The following GPHN variants were observed in gnomAD, a reference collection of about 807,000 sequenced individuals.
The protein encoded by GPHN is gephyrin.
Under a neutral mutation model 95.5 loss-of-function variants are expected in GPHN, and 17 were observed. The observed-to-expected ratio is 0.18, with a 90% CI of 0.12 to 0.27. The LOEUF (loss-of-function observed/expected upper bound fraction) is 0.27, where lower values mean the gene tolerates loss of function less well. Ranked by LOEUF, GPHN falls within the 10% of genes least tolerant of loss-of-function variation. The pLI is 1.00. For synonymous variants in GPHN, 320 were observed against 322.5 expected, an observed-to-expected ratio of 0.99 and a Z score of 0.08; for missense variants, 660 against 978.1, an observed-to-expected ratio of 0.67 and a Z score of 4.34.
At chr14:66,830,583 A>ATC (rs2061546542) in intron 4 of GPHN, among the ~76,000 whole-genome samples, 1 of 152,118 alleles carries the variant, frequency 6.6e-6, no homozygotes, top group South Asian at 2.1e-4. Context: ...AATACCAGGA[A>ATC]ACTGTAAATT....
the GPHN span, among the ~76,000 whole-genome samples, chr14:67,480,661 C>T: frequency 6.6e-6 from 1 of 152,174 alleles, no homozygotes; most frequent in East Asian, 1.9e-4. Flanking sequence ...ATGACCTGCA[C>T]GTATCCCCCT....
At chr14:67,534,235 T>C in the GPHN span, among the ~76,000 whole-genome samples, 1 of 152,156 alleles carries the variant, frequency 6.6e-6, no homozygotes, top group Non-Finnish European at 1.5e-5. Flanking sequence ...TTAGTGTTTC[T>C]GCATATTATT....
At chr14:67,208,116 G>A in the GPHN span, 4 of 1,543,948 alleles carry the variant, frequency 2.6e-6, no homozygotes, top group African/African-American at 1.4e-5. Context: ...GAATGAAATG[G>A]TGCCTGTATT....
chr14:66,763,607 A>C (rs940737250), intron 2 of GPHN, among the ~76,000 whole-genome samples: 1 of 151,770 alleles, frequency 6.6e-6, no homozygotes, highest in Non-Finnish European at 1.5e-5. Context: ...TCCATGGTGT[A>C]TATGTGCCAC....
chr14:66,831,421 A>G (rs2061573809), intron 4 of GPHN, among the ~76,000 whole-genome samples: 1 of 152,224 alleles, frequency 6.6e-6, no homozygotes, highest in African/African-American at 2.4e-5. Context: ...TGAAGTATTT[A>G]AAACTAAATT....
At chr14:66,889,081 CTG>C (rs2153539236) in intron 5 of GPHN, among the ~76,000 whole-genome samples, 1 of 152,132 alleles carries the variant, frequency 6.6e-6, no homozygotes, top group Admixed American at 6.5e-5. Flanking sequence ...TAATAATAGA[CTG>C]TCAAAATAGA....
At chr14:66,881,142 T>C (rs1250748147) in intron 5 of GPHN, among the ~76,000 whole-genome samples, 1 of 151,964 alleles carries the variant, frequency 6.6e-6, no homozygotes, top group East Asian at 1.9e-4. Context: ...GAAGCACAGA[T>C]ACAGGAGATT....
the GPHN span, among the ~76,000 whole-genome samples, chr14:67,358,666 C>T: frequency 1.3e-5 from 2 of 152,148 alleles, no homozygotes; most frequent in African/African-American, 2.4e-5. Context: ...TACCACTGCA[C>T]CCCAGCCTGG....
intron 2 of GPHN, among the ~76,000 whole-genome samples, chr14:66,714,570 T>C (rs1424018919): frequency 6.6e-6 from 1 of 152,210 alleles, no homozygotes; most frequent in African/African-American, 2.4e-5. Flanking sequence ...TTAGAGGGAA[T>C]GCTTTCAACT....
At chr14:66,667,503 T>C (rs907570708) in intron 1 of GPHN, among the ~76,000 whole-genome samples, 1 of 152,118 alleles carries the variant, frequency 6.6e-6, no homozygotes, top group Admixed American at 6.5e-5. Flanking sequence ...AGACTGCACA[T>C]GTACAACTAT....
chr14:67,212,333 G>T, the GPHN span, among the ~76,000 whole-genome samples: 2 of 151,788 alleles, frequency 1.3e-5, no homozygotes, highest in African/African-American at 4.8e-5. Flanking sequence ...AGGGCCAGGC[G>T]CAGTGTCTCA....
intron 3 of GPHN, among the ~76,000 whole-genome samples, chr14:66,791,059 A>G (rs1047386577): frequency 2.0e-5 from 3 of 152,198 alleles, no homozygotes; most frequent in Admixed American, 2.0e-4. Flanking sequence ...TAACCTTCCT[A>G]TGTTGGGCCT....
At chr14:66,905,443 C>G (rs2065333298) in intron 5 of GPHN, among the ~76,000 whole-genome samples, 1 of 152,012 alleles carries the variant, frequency 6.6e-6, no homozygotes, top group Admixed American at 6.6e-5. Context: ...ATTGCTCTGT[C>G]CACTTGGGAA....
At chr14:66,851,217 C>CT (rs2062569070) in intron 4 of GPHN, among the ~76,000 whole-genome samples, 1 of 151,660 alleles carries the variant, frequency 6.6e-6, no homozygotes, top group Non-Finnish European at 1.5e-5. Context: ...CTGAACATAT[C>CT]TATATAACCA....
At chr14:67,155,366 A>T (rs767980744) in intron 18 of GPHN, among the ~76,000 whole-genome samples, 34 of 152,212 alleles carry the variant, frequency 2.2e-4, no homozygotes, top group Admixed American at 1.9e-3. Context: ...TTCATACCTG[A>T]TATTTGGGCT....
At chr14:66,637,059 G>A (rs1024668246) in intron 1 of GPHN, among the ~76,000 whole-genome samples, 1 of 152,136 alleles carries the variant, frequency 6.6e-6, no homozygotes, top group African/African-American at 2.4e-5. Flanking sequence ...TTACTTTGAT[G>A]CTGCAGTCCT....
chr14:66,616,084 G>C (rs1186555676), intron 1 of GPHN, among the ~76,000 whole-genome samples: 1 of 151,572 alleles, frequency 6.6e-6, no homozygotes, highest in Non-Finnish European at 1.5e-5. Flanking sequence ...GCCTGTTTTG[G>C]TACCAGTACC....
the GPHN span, among the ~76,000 whole-genome samples, chr14:67,532,925 G>C: frequency 6.6e-6 from 1 of 152,102 alleles, no homozygotes; most frequent in South Asian, 2.1e-4. Flanking sequence ...TCCCCGGGGC[G>C]CTCTGGCCAC....
At chr14:67,585,688 C>A in the GPHN span, 1 of 1,402,434 alleles carries the variant, frequency 7.1e-7, no homozygotes, top group African/African-American at 1.4e-5. Flanking sequence ...CCTGACCCCT[C>A]CTCTTCCTCA....
Sources: gnomAD v4.1 joint callset for allele counts (sites outside exome capture counted in the v4.1 genomes callset) on GRCh38, gnomAD v4.1.1 for gene constraint, MANE v1.5 for transcripts, NCBI Gene and HGNC (gene_info 2026-07-23, HGNC 2026-07-21) for gene names.